The following TTBK2 variants were observed in gnomAD, a reference collection of about 807,000 sequenced individuals.
TTBK2 encodes the protein tau-tubulin kinase 2.
A neutral mutation model predicts 110.8 loss-of-function variants in TTBK2; 28 were observed. The ratio of observed to expected loss-of-function variants is 0.25; its 90% CI spans 0.19 to 0.35. The LOEUF (loss-of-function observed/expected upper bound fraction) is 0.35. Among genes scored for constraint, TTBK2 ranks in the 10% least tolerant of loss-of-function variants. The pLI, the probability that TTBK2 is intolerant of heterozygous loss-of-function variation, is 1.00. For missense variants in TTBK2, 1,369 were observed against 1,500.3 expected, an observed-to-expected ratio of 0.91 and a Z score of 1.45; for synonymous variants, 532 against 527.3, an observed-to-expected ratio of 1.01 and a Z score of -0.12.
At chr15:42,770,359 T>C (rs1889617204) in intron 13 of TTBK2, among the ~76,000 whole-genome samples, 1 of 152,154 alleles carries the variant, frequency 6.6e-6, no homozygotes, top group African/African-American at 2.4e-5. Flanking sequence ...TTGAAGACCC[T>C]TGAAAGCAGT....
chr15:42,767,441 T>A (rs1889436170), intron 13 of TTBK2, among the ~76,000 whole-genome samples: 1 of 152,054 alleles, frequency 6.6e-6, no homozygotes. Flanking sequence ...ATCACCACCA[T>A]CCAACAGAAA....
chr15:42,912,558 A>C (rs1369699993), intron 1 of TTBK2, among the ~76,000 whole-genome samples: 1 of 152,020 alleles, frequency 6.6e-6, no homozygotes, highest in Non-Finnish European at 1.5e-5. Flanking sequence ...AAAATGCAAA[A>C]AAATTAGCTG....
chr15:42,855,761 C>T (rs1174626075), intron 3 of TTBK2, among the ~76,000 whole-genome samples: 22 of 152,230 alleles, frequency 1.4e-4, no homozygotes, highest in Non-Finnish European at 2.8e-4. Context: ...TTCGGCTCAC[C>T]GCAGGCTCCG....
chr15:42,750,492 G>A (rs7166775), intron 14 of TTBK2, among the ~76,000 whole-genome samples: 61,946 of 151,732 alleles, frequency 0.41, 18,394 homozygotes, highest in African/African-American at 0.84. Flanking sequence ...ATGGATTCGA[G>A]AGCAGATTTG....
chr15:42,739,890 C>T lies in TTBK2; in HGVS notation c.*5905G>A, dbSNP rs1313338539. On this transcript the variant is annotated 3_prime_UTR_variant, in exon 15 of 15. Coordinates refer to ENST00000267890, the MANE Select transcript of TTBK2 (RefSeq NM_173500.4). ...GGGCATTGATTCCTCAGGATTTAAA[C>T]TGCATATTATTAGAGAAAAAGAGCA... 1 of 152,138 alleles carries T rather than the reference C, an allele frequency of 6.6e-6. No individual in the cohort carries two copies. The highest frequency in any genetic ancestry group is 1.5e-5 in the Non-Finnish European group (1 of 68,024). 9.4% of individuals were successfully genotyped at this position (152,138 alleles called of 1,614,324 possible). A position where few individuals can be genotyped will look rare whatever the true frequency, so the allele number is the denominator to read the frequency against.
chr15:42,850,843 A>AT (rs1417342363), intron 3 of TTBK2, among the ~76,000 whole-genome samples: 2 of 152,010 alleles, frequency 1.3e-5, no homozygotes, highest in African/African-American at 4.8e-5. Context: ...ACTATTATAC[A>AT]TTTTTTAAAA....
intron 3 of TTBK2, among the ~76,000 whole-genome samples, chr15:42,845,319 T>C (rs983339890): frequency 2.0e-5 from 3 of 152,078 alleles, no homozygotes; most frequent in African/African-American, 7.2e-5. Context: ...GAGGACTGGT[T>C]CCAAGACCTT....
chr15:42,785,076 T>C (rs527802986), intron 10 of TTBK2, among the ~76,000 whole-genome samples: 2 of 152,238 alleles, frequency 1.3e-5, no homozygotes, highest in East Asian at 3.9e-4. Flanking sequence ...TATGTTATTT[T>C]TTTACAGTGT....
intron 1 of TTBK2, among the ~76,000 whole-genome samples, chr15:42,915,948 A>C (rs534177288): frequency 6.6e-6 from 1 of 152,302 alleles, no homozygotes; most frequent in African/African-American, 2.4e-5. Flanking sequence ...TCTCCAAAAA[A>C]AGAAAGAAAG....
intron 1 of TTBK2, among the ~76,000 whole-genome samples, chr15:42,911,582 G>C (rs566135656): frequency 6.6e-6 from 1 of 152,258 alleles, no homozygotes; most frequent in South Asian, 2.1e-4. Context: ...GCCCTCTTTT[G>C]CTACTTTTGG....
At chr15:42,770,240 T>C in intron 13 of TTBK2, among the ~76,000 whole-genome samples, 1 of 151,686 alleles carries the variant, frequency 6.6e-6, no homozygotes, top group African/African-American at 2.4e-5. Flanking sequence ...GAACTTAAAG[T>C]ATAATAATAA....
intron 9 of TTBK2, chr15:42,801,766 T>C (rs772914819): frequency 1.2e-6 from 1 of 819,932 alleles, no homozygotes; most frequent in South Asian, 1.3e-5. Context: ...GGCAGTCAGC[T>C]CTTTCAGGGA....
chr15:42,767,996 A>T (rs1478507863), intron 13 of TTBK2, among the ~76,000 whole-genome samples: 1 of 152,256 alleles, frequency 6.6e-6, no homozygotes, highest in Non-Finnish European at 1.5e-5. Context: ...ACATAAACAG[A>T]ACCAATGACA....
At position 42,883,986 on chromosome 15, in the gene TTBK2, T is replaced by G. The variant is rs1278147918; in HGVS notation, c.-67-5302A>C. Among the ~76,000 whole-genome samples, 3 of 152,254 alleles carry G rather than the reference T, an allele frequency of 2.0e-5. No homozygotes were observed. In the East Asian group the frequency reaches 5.8e-4, roughly 29 times the overall value. On this transcript the variant is annotated intron_variant, in intron 1 of 14. Transcript: ENST00000267890. ...AAGCTGGAGTATCTATTATAATATC[T>G]GACAGTGTTGACTTCAGGGCAAAGA...
intron 11 of TTBK2, among the ~76,000 whole-genome samples, chr15:42,779,230 C>A (rs770038414): frequency 3.3e-5 from 5 of 151,848 alleles, no homozygotes; most frequent in Non-Finnish European, 5.9e-5. Context: ...ACGGTAAAAC[C>A]CTGTCTCTAA....
chr15:42,784,063 A>AAAAAC (rs1350780658), intron 10 of TTBK2, among the ~76,000 whole-genome samples: 9 of 152,168 alleles, frequency 5.9e-5, no homozygotes, highest in African/African-American at 2.2e-4. Flanking sequence ...CTCCAGCTCA[A>AAAAAC]AAAACAAAAC....
At chr15:42,746,963 A>ATTT (rs377241095) in intron 14 of TTBK2, among the ~76,000 whole-genome samples, 27 of 135,244 alleles carry the variant, frequency 2.0e-4, no homozygotes, top group African/African-American at 4.5e-4. Context: ...TGGGCCTCAG[A>ATTT]TTTTTTTTTT....
At chr15:42,853,317 T>C (rs765496604) in intron 3 of TTBK2, among the ~76,000 whole-genome samples, 1 of 152,066 alleles carries the variant, frequency 6.6e-6, no homozygotes, top group Non-Finnish European at 1.5e-5. Flanking sequence ...TCATGACCTA[T>C]AAAGAAAAAT....
chr15:42,792,702 G>A (rs1890746917), intron 10 of TTBK2, among the ~76,000 whole-genome samples: 1 of 152,064 alleles, frequency 6.6e-6, no homozygotes, highest in Non-Finnish European at 1.5e-5. Flanking sequence ...AAGTCTTCTG[G>A]CAGGGGTAGG....
Sources: gnomAD v4.1 joint callset for allele counts (sites outside exome capture counted in the v4.1 genomes callset) on GRCh38, gnomAD v4.1.1 for gene constraint, MANE v1.5 for transcripts, NCBI Gene and HGNC (gene_info 2026-07-23, HGNC 2026-07-21) for gene names.